The following RBFOX1 variants were observed in gnomAD, a reference collection of about 807,000 sequenced individuals.
RBFOX1 encodes RNA binding protein fox-1 homolog 1.
In RBFOX1, 8 loss-of-function variants were observed where a neutral mutation model predicts 57.7. The ratio of observed to expected loss-of-function variants is 0.14; its 90% CI spans 0.08 to 0.25. The LOEUF is 0.25. Among genes scored for constraint, RBFOX1 ranks in the 10% least tolerant of loss-of-function variants. The pLI is 1.00. For missense variants in RBFOX1, 611 were observed against 548.5 expected, an observed-to-expected ratio of 1.11 and a Z score of -1.14; for synonymous variants, 326 against 222.4, an observed-to-expected ratio of 1.47 and a Z score of -4.15.
intron 3 of RBFOX1, among the ~76,000 whole-genome samples, chr16:6,871,191 C>A (rs992420050): frequency 3.3e-5 from 5 of 152,028 alleles, no homozygotes; most frequent in Non-Finnish European, 7.4e-5. Context: ...GAAAATCACC[C>A]CTGCTTTTTT....
intron 3 of RBFOX1, among the ~76,000 whole-genome samples, chr16:6,672,728 G>A (rs1036671941): frequency 5.3e-5 from 8 of 152,138 alleles, no homozygotes; most frequent in African/African-American, 1.7e-4. Flanking sequence ...CTTGCCTTGT[G>A]AAGCAGTGAG....
chr16:7,709,458 CTTTT>C (rs572932607), intron 15 of RBFOX1: 9 of 1,385,842 alleles, frequency 6.5e-6, no homozygotes, highest in African/African-American at 1.5e-5. Flanking sequence ...TTTTTTTTTT[CTTTT>C]TTTTTCCCTC....
chr16:7,163,014 G>C (rs781323376), intron 4 of RBFOX1, among the ~76,000 whole-genome samples: 2 of 152,172 alleles, frequency 1.3e-5, no homozygotes, highest in Non-Finnish European at 2.9e-5. Context: ...TATAAATGCA[G>C]ACTTCTTTGT....
At chr16:6,023,396 T>A (rs2095123673) in intron 1 of RBFOX1, among the ~76,000 whole-genome samples, 1 of 152,162 alleles carries the variant, frequency 6.6e-6, no homozygotes. Context: ...CATCCCAAGC[T>A]ATTATATTTT....
intron 4 of RBFOX1, among the ~76,000 whole-genome samples, chr16:5,942,114 A>T (rs1174944205): frequency 2.0e-5 from 3 of 152,108 alleles, no homozygotes; most frequent in African/African-American, 7.2e-5. Flanking sequence ...CCTGATGCCC[A>T]GGTACAGCCA....
At chr16:7,562,681 C>T (rs573457797) in intron 5 of RBFOX1, among the ~76,000 whole-genome samples, 2 of 152,306 alleles carry the variant, frequency 1.3e-5, no homozygotes, top group East Asian at 3.9e-4. Context: ...CCTTCTGCCT[C>T]CTAGGTTCCT....
intron 4 of RBFOX1, among the ~76,000 whole-genome samples, chr16:7,091,277 T>G (rs989098454): frequency 1.3e-4 from 20 of 152,174 alleles, no homozygotes; most frequent in African/African-American, 1.4e-4. Context: ...ACTTTTTTTT[T>G]TTGTTACAAA....
intron 4 of RBFOX1, among the ~76,000 whole-genome samples, chr16:7,200,569 C>G (rs956075383): frequency 2.6e-5 from 4 of 152,176 alleles, no homozygotes; most frequent in Admixed American, 1.3e-4. Context: ...GAAAAACATT[C>G]AAGAAGGAGT....
chr16:6,362,486 G>A (rs73530368), intron 2 of RBFOX1, among the ~76,000 whole-genome samples: 19,250 of 152,184 alleles, frequency 0.13, 1,362 homozygotes, highest in African/African-American at 0.19. Context: ...CCACCTGCTC[G>A]TATGTCATCT....
At chr16:6,077,544 T>C (rs1278049851) in intron 1 of RBFOX1, among the ~76,000 whole-genome samples, 1 of 152,126 alleles carries the variant, frequency 6.6e-6, no homozygotes, top group Non-Finnish European at 1.5e-5. Flanking sequence ...TCCTTTAAGA[T>C]GATGGTTTCT....
At chr16:7,421,035 T>C (rs9926958) in intron 4 of RBFOX1, among the ~76,000 whole-genome samples, 38,179 of 151,438 alleles carry the variant, frequency 0.25, 5,178 homozygotes, top group African/African-American at 0.35. Flanking sequence ...ACGCCTCCAC[T>C]TGATGAACCA....
intron 3 of RBFOX1, among the ~76,000 whole-genome samples, chr16:6,902,021 G>A (rs912179421): frequency 6.6e-6 from 1 of 152,070 alleles, no homozygotes; most frequent in Admixed American, 6.5e-5. Context: ...TATTCAGAAT[G>A]TGCTTAAGGT....
intron 3 of RBFOX1, among the ~76,000 whole-genome samples, chr16:6,671,620 C>G (rs1271180578): frequency 1.3e-5 from 2 of 152,138 alleles, no homozygotes; most frequent in African/African-American, 4.8e-5. Context: ...CTGCTCCCCA[C>G]CCTTTCCGCC....
At chr16:5,282,710 G>C (rs1299695180) in intron 1 of RBFOX1, among the ~76,000 whole-genome samples, 1 of 152,194 alleles carries the variant, frequency 6.6e-6, no homozygotes, top group Non-Finnish European at 1.5e-5. Flanking sequence ...AAGCAGCAAA[G>C]CATTCAACAC....
At chr16:7,244,724 T>C (rs1169096407) in intron 4 of RBFOX1, among the ~76,000 whole-genome samples, 1 of 152,158 alleles carries the variant, frequency 6.6e-6, no homozygotes, top group Non-Finnish European at 1.5e-5. Context: ...TATTGTGTAG[T>C]GTGTAAAGAT....
chr16:6,864,563 T>TA (rs915929332), intron 3 of RBFOX1, among the ~76,000 whole-genome samples: 5 of 149,802 alleles, frequency 3.3e-5, no homozygotes, highest in South Asian at 4.3e-4. Context: ...TTTTTTTTTT[T>TA]AATCATGGCC....
chr16:6,751,262 A>G (rs971538092), intron 3 of RBFOX1, among the ~76,000 whole-genome samples: 1 of 152,156 alleles, frequency 6.6e-6, no homozygotes, highest in Non-Finnish European at 1.5e-5. Context: ...TGACTCTAGA[A>G]TGGATGGGGA....
At chr16:7,374,417 A>G (rs138215944) in intron 4 of RBFOX1, among the ~76,000 whole-genome samples, 5 of 152,278 alleles carry the variant, frequency 3.3e-5, no homozygotes, top group Non-Finnish European at 7.4e-5. Context: ...GTTATGCTGG[A>G]TTATTCTGCT....
chr16:6,054,334 A>G (rs2095588290), intron 1 of RBFOX1, among the ~76,000 whole-genome samples: 1 of 151,864 alleles, frequency 6.6e-6, no homozygotes, highest in African/African-American at 2.4e-5. Flanking sequence ...TATATAAGTA[A>G]TATTCTAATT....
Sources: gnomAD v4.1 joint callset for allele counts (sites outside exome capture counted in the v4.1 genomes callset) on GRCh38, gnomAD v4.1.1 for gene constraint, MANE v1.5 for transcripts, NCBI Gene and HGNC (gene_info 2026-07-23, HGNC 2026-07-21) for gene names.